CNTN4: variants seen among roughly 807,000 people sequenced by gnomAD.
CNTN4 encodes contactin-4.
A neutral mutation model predicts 122.5 loss-of-function variants in CNTN4; 77 were observed. The observed-to-expected ratio is 0.63, with a 90% CI of 0.52 to 0.76. The LOEUF (loss-of-function observed/expected upper bound fraction) is 0.76. CNTN4 is among the 30% of genes least tolerant of loss of function. The pLI, the probability that CNTN4 is intolerant of heterozygous loss-of-function variation, is 0.00. For synonymous variants in CNTN4, 512 were observed against 447.0 expected (o/e 1.15, Z -1.83); for missense variants, 1,256 against 1,259.1 (o/e 1.00, Z 0.04).
chr3:2,606,275 A>G lies in CNTN4; in HGVS notation c.55+34717A>G, dbSNP rs79096528. On this transcript the variant is annotated intron_variant, in intron 4 of 24. Transcript: ENST00000418658. ...TATTGTAAGGTTTCAAACGGAGAACAATATAACCTAATTTGTCTTTGACAC... is the reference window on the plus strand; with the variant it reads ...TATTGTAAGGTTTCAAACGGAGAACGATATAACCTAATTTGTCTTTGACAC... Among the ~76,000 whole-genome samples the G allele has an allele frequency of 2.1e-3, 313 of 152,248 alleles. 3 individuals carry two copies. Among genetic ancestry groups the G allele is most frequent in the African/African-American group, 7.1e-3 (295 of 41,550 alleles).
chr3:2,191,281 A>G (rs1348537012), intron 2 of CNTN4, among the ~76,000 whole-genome samples: 1 of 151,342 alleles, frequency 6.6e-6, no homozygotes, highest in African/African-American at 2.4e-5. Context: ...ATTAACCCAG[A>G]CATAGAACTC....
chr3:2,356,808 C>T (rs1369158971), intron 3 of CNTN4, among the ~76,000 whole-genome samples: 2 of 152,116 alleles, frequency 1.3e-5, no homozygotes, highest in Non-Finnish European at 2.9e-5. Flanking sequence ...AGGCAAAGTG[C>T]TTTACAGCTT....
chr3:2,421,345 G>C (rs1438175945), intron 3 of CNTN4, among the ~76,000 whole-genome samples: 1 of 150,890 alleles, frequency 6.6e-6, no homozygotes, highest in African/African-American at 2.4e-5. Context: ...CTCTACTCAC[G>C]GGTTCAAGCA....
At chr3:2,670,079 G>A (rs559943685) in intron 4 of CNTN4, among the ~76,000 whole-genome samples, 45 of 152,288 alleles carry the variant, frequency 3.0e-4, no homozygotes, top group Non-Finnish European at 5.1e-4. Flanking sequence ...GTTGATTTGC[G>A]GGGAGAGTTC....
chr3:2,378,544 T>G (rs2045906851), intron 3 of CNTN4, among the ~76,000 whole-genome samples: 1 of 152,178 alleles, frequency 6.6e-6, no homozygotes, highest in Non-Finnish European at 1.5e-5. Flanking sequence ...CATTTATTTT[T>G]TATTCAACAT....
At chr3:2,867,164 T>C (rs2093732873) in intron 8 of CNTN4, among the ~76,000 whole-genome samples, 2 of 152,184 alleles carry the variant, frequency 1.3e-5, no homozygotes, top group Non-Finnish European at 2.9e-5. Context: ...TAATTGCTAA[T>C]CTCAACAGGA....
At chr3:2,885,981 A>G (rs1364881601) in intron 9 of CNTN4, among the ~76,000 whole-genome samples, 1 of 152,136 alleles carries the variant, frequency 6.6e-6, no homozygotes. Flanking sequence ...CTGCCATGAG[A>G]CAGAAAGCAG....
intron 8 of CNTN4, among the ~76,000 whole-genome samples, chr3:2,876,962 C>A (rs1344529991): frequency 6.6e-6 from 1 of 152,200 alleles, no homozygotes; most frequent in Non-Finnish European, 1.5e-5. Context: ...ATCAACATCA[C>A]CTTGGACTTC....
chr3:2,757,776 A>G (rs531197734), intron 6 of CNTN4, among the ~76,000 whole-genome samples: 1 of 152,312 alleles, frequency 6.6e-6, no homozygotes, highest in African/African-American at 2.4e-5. Flanking sequence ...CTCAAATTCA[A>G]GGGCATCATG....
chr3:2,231,404 T>C (rs1351731043), intron 2 of CNTN4, among the ~76,000 whole-genome samples: 1 of 152,192 alleles, frequency 6.6e-6, no homozygotes, highest in Admixed American at 6.5e-5. Context: ...ATTCAGATGA[T>C]CTCCTTTTTG....
At chr3:2,854,347 A>G (rs1428329983) in intron 7 of CNTN4, among the ~76,000 whole-genome samples, 2 of 133,076 alleles carry the variant, frequency 1.5e-5, no homozygotes, top group Admixed American at 9.3e-5. Flanking sequence ...ATCTCGGCTC[A>G]TTGCAAACTT....
chr3:2,246,675 TA>T (rs1219073194), intron 2 of CNTN4, among the ~76,000 whole-genome samples: 8 of 151,966 alleles, frequency 5.3e-5, no homozygotes, highest in African/African-American at 1.9e-4. Context: ...ACAAACAGCT[TA>T]TAATAATTAC....
chr3:2,738,884 T>C (rs553459566), intron 5 of CNTN4, among the ~76,000 whole-genome samples: 3 of 152,128 alleles, frequency 2.0e-5, no homozygotes, highest in African/African-American at 7.2e-5. Flanking sequence ...ATACAACTTA[T>C]AAAAGAAAAT....
intron 3 of CNTN4, among the ~76,000 whole-genome samples, chr3:2,419,956 G>A (rs564963363): frequency 5.1e-4 from 78 of 152,102 alleles, no homozygotes; most frequent in African/African-American, 1.4e-3. Flanking sequence ...GTTACAGATC[G>A]AATTGTCCCA....
At chr3:2,933,381 G>A (rs1209647843) in intron 13 of CNTN4, among the ~76,000 whole-genome samples, 1 of 152,120 alleles carries the variant, frequency 6.6e-6, no homozygotes, top group Non-Finnish European at 1.5e-5. Context: ...GGCTCACAAG[G>A]AATTTCATTT....
chr3:2,510,176 G>T (rs1288456789), intron 3 of CNTN4, among the ~76,000 whole-genome samples: 1 of 152,124 alleles, frequency 6.6e-6, no homozygotes, highest in Non-Finnish European at 1.5e-5. Flanking sequence ...AAAAAAGCAT[G>T]ACTTTATTTC....
At chr3:2,132,828 T>C (rs933514554) in intron 2 of CNTN4, among the ~76,000 whole-genome samples, 1 of 152,164 alleles carries the variant, frequency 6.6e-6, no homozygotes, top group Non-Finnish European at 1.5e-5. Flanking sequence ...TTTCTCTGTT[T>C]TTGTAGACTG....
chr3:2,113,587 A>G (rs1574851299), intron 2 of CNTN4, among the ~76,000 whole-genome samples: 3 of 152,248 alleles, frequency 2.0e-5, no homozygotes, highest in Admixed American at 6.5e-5. Flanking sequence ...AATGTCAAGC[A>G]TATACACAAC....
At chr3:2,948,766 A>T (rs2094705642) in intron 13 of CNTN4, among the ~76,000 whole-genome samples, 1 of 152,104 alleles carries the variant, frequency 6.6e-6, no homozygotes, top group Non-Finnish European at 1.5e-5. Flanking sequence ...CATACACCAG[A>T]CTTTTCTTGG....
Sources: gnomAD v4.1 joint callset for allele counts (sites outside exome capture counted in the v4.1 genomes callset) on GRCh38, gnomAD v4.1.1 for gene constraint, MANE v1.5 for transcripts, NCBI Gene and HGNC (gene_info 2026-07-23, HGNC 2026-07-21) for gene names.